Variants in SP3 observed in about 807,000 individuals in gnomAD.
SP3 encodes transcription factor Sp3.
In SP3, 10 loss-of-function variants were observed where a neutral mutation model predicts 70.3. The observed-to-expected ratio is 0.14, with a 90% CI of 0.09 to 0.24. The LOEUF (loss-of-function observed/expected upper bound fraction) is 0.24. Among genes scored for constraint, SP3 ranks in the 10% least tolerant of loss-of-function variants. SP3 has a pLI of 1.00. For missense variants in SP3, 825 were observed against 914.6 expected (o/e 0.90, Z 1.26); for synonymous variants, 402 against 333.5 (o/e 1.21, Z -2.24).
intron 3 of SP3, among the ~76,000 whole-genome samples, chr2:173,962,441 A>G (rs978644234): frequency 1.3e-5 from 2 of 152,264 alleles, no homozygotes; most frequent in East Asian, 1.9e-4. Flanking sequence ...AAAATCTACC[A>G]ACTCTCAGCG....
In SP3 at chr2:173,941,337, G is replaced by A. The variant is rs1690367716; in HGVS notation, c.1639+13536C>T. Among the ~76,000 whole-genome samples, 3 of 152,164 alleles carry A rather than the reference G, an allele frequency of 2.0e-5. No homozygotes were observed. The South Asian group carries it at 6.2e-4, about 32-fold the overall frequency. On this transcript the variant is annotated intron_variant, in intron 4 of 6. Transcript: ENST00000310015. ...ATATGAATAGATAATGCTAGGCATG[G>A]TGGCTCATGCCTGTAATCCCAGCAC...
intron 1 of SP3, chr2:173,964,839 G>T: frequency 4.2e-6 from 2 of 470,888 alleles, no homozygotes; most frequent in Non-Finnish European, 3.7e-6. Context: ...CCTTCGCGCC[G>T]CTCGCTCTCA....
Position 173,956,225 on chromosome 2 carries a change from T to C in SP3, c.287A>G (p.Asp96Gly). The C allele has an allele frequency of 6.3e-7, 1 of 1,590,108 alleles. No homozygotes were observed. Among genetic ancestry groups the C allele is most frequent in the South Asian group, 1.1e-5 (1 of 88,556 alleles). ...TCCTCCTAACTGTGCAGAAGCCAAA[T>C]CACCTGTCTGGATGAAGAAAACAAA... ...GAPAAAGATG[D>G]LASAQLGGAP... Residue 96 changes from aspartate to glycine, a missense_variant, in exon 4 of 7, where the codon GAT becomes GGT. Asp to Gly is a moderately conservative substitution (Grantham distance 94). Around this residue, in one of 4 missense-constraint regions of SP3, gnomAD observed 678 missense variants for 651.6 expected, o/e 1.04. Transcript: ENST00000310015.
At chr2:173,937,110 CA>C (rs1690231311) in intron 4 of SP3, among the ~76,000 whole-genome samples, 1 of 152,190 alleles carries the variant, frequency 6.6e-6, no homozygotes, top group African/African-American at 2.4e-5. Context: ...ACAGACAATA[CA>C]AAAAAAGCAC....
In SP3 at chr2:173,955,847, G is replaced by A. The variant is rs1690866865; in HGVS notation, c.665C>T (p.Ala222Val). ...QTLLASGTPS[A>V]NIQNLIPQTG... ...CTGTGGTATGAGATTCTGGATGTTAGCAGAAGGTGTTCCAGAGGCAAGTAA... is the reference window on the plus strand; with the variant it reads ...CTGTGGTATGAGATTCTGGATGTTAACAGAAGGTGTTCCAGAGGCAAGTAA... Residue 222 changes from alanine (A) to valine (V), a missense_variant, in exon 4 of 7, where the codon GCT (alanine) becomes GTT (valine). Ala to Val is a moderately conservative substitution (Grantham distance 64, BLOSUM62 0). Around this residue, in one of 4 missense-constraint regions of SP3, gnomAD observed 678 missense variants for 651.6 expected, o/e 1.04. Transcript: ENST00000310015. 1 of 1,614,226 alleles carries A rather than the reference G, an allele frequency of 6.2e-7. No homozygotes were observed. Among genetic ancestry groups the A allele is most frequent in the Non-Finnish European group, 8.5e-7 (1 of 1,180,032 alleles).
chr2:173,925,268 TCA>T (rs1408702040), intron 4 of SP3, among the ~76,000 whole-genome samples: 4 of 152,198 alleles, frequency 2.6e-5, no homozygotes, highest in Non-Finnish European at 5.9e-5. Context: ...TGAAATCCTG[TCA>T]CACGCTACAA....
At chr2:173,912,668 A>C (rs1478089939) in intron 6 of SP3, among the ~76,000 whole-genome samples, 1 of 152,230 alleles carries the variant, frequency 6.6e-6, no homozygotes, top group African/African-American at 2.4e-5. Context: ...AAACAAAAGA[A>C]AAGGTGAAAT....
At chr2:173,947,507 T>A (rs74800186) in intron 4 of SP3, among the ~76,000 whole-genome samples, 39 of 152,318 alleles carry the variant, frequency 2.6e-4, no homozygotes, top group Admixed American at 3.9e-4. Context: ...TTTCAAAAAA[T>A]TGTCTTAGAA....
intron 4 of SP3, among the ~76,000 whole-genome samples, chr2:173,953,285 CAG>C (rs1262328645): frequency 6.6e-6 from 1 of 152,204 alleles, no homozygotes; most frequent in African/African-American, 2.4e-5. Flanking sequence ...AGTGTCAACA[CAG>C]AGAACAAGGC....
intron 5 of SP3, chr2:173,916,409 A>G (rs890830143): frequency 1.3e-5 from 2 of 152,068 alleles, no homozygotes; most frequent in South Asian, 4.1e-4. Context: ...TACTTGTGTA[A>G]TAACAATGCA....
rs757905150 is a variant in SP3 at position 173,949,635 on chromosome 2, G to A, written c.1639+5238C>T. On this transcript the variant is annotated intron_variant, in intron 4 of 6. Transcript: ENST00000310015. Reference sequence around the variant, plus strand: ...CCCATAAGAGATCCATCCCTCTTTCGCCTGTCAATCTTTAAATACTTAAAT... The same window carrying A: ...CCCATAAGAGATCCATCCCTCTTTCACCTGTCAATCTTTAAATACTTAAAT... Among the ~76,000 whole-genome samples the A allele has an allele frequency of 3.9e-5, 6 of 151,964 alleles. No individual in the cohort carries two copies. In the East Asian group the frequency reaches 1.2e-3, roughly 29 times the overall value.
chr2:173,931,344 T>TTTG (rs111299743), intron 4 of SP3, among the ~76,000 whole-genome samples: 6 of 151,254 alleles, frequency 4.0e-5, no homozygotes, highest in African/African-American at 1.2e-4. Context: ...GCCTGGCATT[T>TTTG]TTGTTGTTGT....
At chr2:173,964,316 G>C in intron 2 of SP3, 89 bp downstream of exon 2, 1 of 601,330 alleles carries the variant, frequency 1.7e-6, no homozygotes, top group Non-Finnish European at 3.0e-6. Flanking sequence ...GACGAGGAGG[G>C]AGGGGTGAGG....
In SP3 at chr2:173,907,132, C is replaced by G. The variant is rs757272411; in HGVS notation, c.*2809G>C. 3 of 152,100 alleles carry G rather than the reference C, an allele frequency of 2.0e-5. No individual in the cohort carries two copies. Among genetic ancestry groups the G allele is most frequent in the Non-Finnish European group, 2.9e-5 (2 of 67,998 alleles). 9.4% of individuals were successfully genotyped at this position (152,100 alleles called of 1,614,324 possible). On this transcript the variant is annotated 3_prime_UTR_variant, in exon 7 of 7. Coordinates refer to ENST00000310015, the MANE Select transcript of SP3 (RefSeq NM_003111.5). ...GCCTCAATCTATAGAAAATGAGATG[C>G]TCTTTAAGTGATACTTTCTTAAATT...
In SP3 at chr2:173,902,557, T is replaced by C. The variant is rs1399219143; in HGVS notation, c.*7384A>G. Among the ~76,000 whole-genome samples, 1 of 152,124 alleles carries C rather than the reference T, an allele frequency of 6.6e-6. No individual in the cohort carries two copies. On this transcript the variant is annotated 3_prime_UTR_variant, in exon 7 of 7. Coordinates refer to ENST00000310015, the MANE Select transcript of SP3 (RefSeq NM_003111.5). ...TGCAGCATTGTTTATAAGTCAAAAA[T>C]TGGAAATAACTGAGATGCTCATCAA...
At chr2:173,942,301 T>TA (rs1368580461) in intron 4 of SP3, among the ~76,000 whole-genome samples, 1 of 152,174 alleles carries the variant, frequency 6.6e-6, no homozygotes, top group African/African-American at 2.4e-5. Context: ...ACAAGGCCTG[T>TA]AAGCCTGTAA....
intron 5 of SP3, 76 bp downstream of exon 5, chr2:173,918,517 C>A (rs1283437675): frequency 7.4e-6 from 10 of 1,357,278 alleles, no homozygotes. Flanking sequence ...AATTAAATGA[C>A]ATAGCATGCA....
rs183144291 is a variant in SP3 at position 173,958,057 on chromosome 2, A to G, written c.280-1825T>C. Among the ~76,000 whole-genome samples the G allele has an allele frequency of 7.9e-5, 12 of 152,266 alleles. No homozygotes were observed. In the East Asian group the frequency reaches 2.1e-3, roughly 27 times the overall value. Reference sequence around the variant, plus strand: ...AAATCTATATACTAAAATCTACACTAAAGTGTGTCTAAAATCTAACCTTTA... The same window carrying G: ...AAATCTATATACTAAAATCTACACTGAAGTGTGTCTAAAATCTAACCTTTA... On this transcript the variant is annotated intron_variant, in intron 3 of 6. Transcript: ENST00000310015.
chr2:173,964,168 C>G (rs1691189591), intron 2 of SP3: 1 of 398,036 alleles, frequency 2.5e-6, no homozygotes, highest in African/African-American at 2.1e-5. Flanking sequence ...CCCGGGAGGG[C>G]ACGCTGGGGC....
Sources: gnomAD v4.1 joint callset for allele counts (sites outside exome capture counted in the v4.1 genomes callset) on GRCh38, gnomAD v4.1.1 for gene constraint, gnomAD v4.1.1 regional missense constraint, MANE v1.5 for transcripts, NCBI Gene and HGNC (gene_info 2026-07-23, HGNC 2026-07-21) for gene names.